The following NRG1 variants were observed in gnomAD, a reference collection of about 807,000 sequenced individuals.
NRG1 encodes pro-neuregulin-1, membrane-bound isoform.
NRG1 carries 18 observed loss-of-function variants against 63.8 expected under a neutral mutation model. The observed-to-expected ratio is 0.28, with a 90% confidence interval of 0.19 to 0.42. NRG1 has a LOEUF of 0.42. Ranked by LOEUF, NRG1 falls within the 10% of genes least tolerant of loss-of-function variation. The probability of loss-of-function intolerance (pLI) is 1.00; values close to 1 mark genes in which losing one functional copy is unlikely to be tolerated. For missense variants in NRG1, 762 were observed against 814.7 expected, an observed-to-expected ratio of 0.94 and a Z score of 0.79; for synonymous variants, 302 against 301.3, an observed-to-expected ratio of 1.00 and a Z score of -0.02.
intron 7 of NRG1, among the ~76,000 whole-genome samples, chr8:32,748,372 G>GAGAGAGAGAGAGAGAGAA (rs1827972985): frequency 6.6e-6 from 1 of 151,100 alleles, no homozygotes; most frequent in African/African-American, 2.4e-5. Flanking sequence ...GAGAGAGAGA[G>GAGAGAGAGAGAGAGAGAA]AGAGAGAGAG....
intron 1 of NRG1, among the ~76,000 whole-genome samples, chr8:32,103,547 C>T (rs1830848796): frequency 6.6e-6 from 1 of 152,126 alleles, no homozygotes; most frequent in Admixed American, 6.5e-5. Flanking sequence ...TGGGAATATA[C>T]CCAGCAGTGG....
rs549327853 is a variant in NRG1 at position 32,132,367 on chromosome 8, C to A, written c.38-463461C>A. Among the ~76,000 whole-genome samples the A allele has an allele frequency of 6.5e-4, 99 of 151,816 alleles. 2 individuals are homozygous for A. The South Asian group carries it at 0.014, about 22-fold the overall frequency. On this transcript the variant is annotated intron_variant, in intron 1 of 10. Transcript: ENST00000519301. Reference sequence around the variant, plus strand: ...CCTTTTCTTAAGGATAAGCTCTTTGCTCTACACCATACTAATTTCCAAAAA... The same window carrying A: ...CCTTTTCTTAAGGATAAGCTCTTTGATCTACACCATACTAATTTCCAAAAA...
intron 1 of NRG1, among the ~76,000 whole-genome samples, chr8:31,711,535 T>C (rs1238666722): frequency 2.0e-5 from 3 of 152,214 alleles, no homozygotes; most frequent in Non-Finnish European, 4.4e-5. Context: ...TACACTGGGT[T>C]AGTTTTTCCT....
At chr8:32,108,983 A>G (rs12680514) in intron 1 of NRG1, among the ~76,000 whole-genome samples, 12,657 of 152,256 alleles carry the variant, frequency 0.083, 747 homozygotes, top group East Asian at 0.23. Flanking sequence ...AGCAAAAGAC[A>G]ATAACGTCTG....
intron 1 of NRG1, among the ~76,000 whole-genome samples, chr8:31,913,714 C>A (rs1833138283): frequency 6.6e-6 from 1 of 152,168 alleles, no homozygotes; most frequent in South Asian, 2.1e-4. Flanking sequence ...CTTAATCCCC[C>A]ACTTCCATTA....
At chr8:31,735,063 G>A (rs1466525311) in intron 1 of NRG1, among the ~76,000 whole-genome samples, 4 of 152,028 alleles carry the variant, frequency 2.6e-5, no homozygotes, top group African/African-American at 4.8e-5. Flanking sequence ...AAAAAAATGC[G>A]CTCAGCCAAT....
chr8:31,699,086 C>G (rs1810366823), intron 1 of NRG1, among the ~76,000 whole-genome samples: 4 of 152,160 alleles, frequency 2.6e-5, no homozygotes, highest in African/African-American at 9.7e-5. Context: ...TTTAATATCA[C>G]TGGGAGAGTT....
intron 1 of NRG1, among the ~76,000 whole-genome samples, chr8:32,159,666 G>T (rs1340687958): frequency 6.6e-6 from 1 of 151,920 alleles, no homozygotes; most frequent in African/African-American, 2.4e-5. Context: ...TAGAATATTT[G>T]TGGTAATTAT....
intron 1 of NRG1, among the ~76,000 whole-genome samples, chr8:32,006,707 C>A (rs906529233): frequency 6.6e-6 from 1 of 151,972 alleles, no homozygotes; most frequent in Admixed American, 6.6e-5. Flanking sequence ...GAACCTGGAG[C>A]TCAGACCTAG....
rs919283991 is a variant in NRG1 at position 32,449,085 on chromosome 8, A to G, written c.38-146743A>G. Reference sequence around the variant, plus strand: ...TGAGGTGGGAAAATTGCTTGAGCCCAGGAGTTTGAGACCAGTCTGGGCAAC... The same window carrying G: ...TGAGGTGGGAAAATTGCTTGAGCCCGGGAGTTTGAGACCAGTCTGGGCAAC... On this transcript the variant is annotated intron_variant, in intron 1 of 10. Coordinates refer to the NRG1 transcript ENST00000519301. 5.3e-5 allele frequency among the ~76,000 whole-genome samples: 8 copies of G among 152,168 alleles called. No homozygotes were observed. In the East Asian group the frequency reaches 1.4e-3, roughly 26 times the overall value.
At chr8:32,378,930 C>G (rs186574655) in intron 1 of NRG1, among the ~76,000 whole-genome samples, 211 of 152,198 alleles carry the variant, frequency 1.4e-3, no homozygotes, top group African/African-American at 4.9e-3. Flanking sequence ...TCATCCATGT[C>G]CCTACAAAGG....
intron 1 of NRG1, among the ~76,000 whole-genome samples, chr8:32,029,853 A>AAAAGCC (rs1333971756): frequency 6.6e-6 from 1 of 152,182 alleles, no homozygotes; most frequent in Non-Finnish European, 1.5e-5. Context: ...TTTGTAAAAA[A>AAAAGCC]AAAAGCCACA....
intron 1 of NRG1, among the ~76,000 whole-genome samples, chr8:32,479,130 T>C (rs1345557570): frequency 6.6e-6 from 1 of 151,892 alleles, no homozygotes; most frequent in Non-Finnish European, 1.5e-5. Flanking sequence ...CCTGGCGGAG[T>C]GCCAAAGAAT....
chr8:31,780,803 G>A (rs568448934), intron 1 of NRG1, among the ~76,000 whole-genome samples: 2 of 152,256 alleles, frequency 1.3e-5, no homozygotes, highest in South Asian at 4.1e-4. Context: ...GGGAGATGAG[G>A]AACCTTGGTT....
intron 1 of NRG1, among the ~76,000 whole-genome samples, chr8:31,659,420 T>C (rs1241157476): frequency 1.3e-5 from 2 of 152,082 alleles, no homozygotes; most frequent in Non-Finnish European, 2.9e-5. Flanking sequence ...CTGGGAACCA[T>C]GCAACCATGC....
intron 1 of NRG1, among the ~76,000 whole-genome samples, chr8:32,052,843 T>C (rs1438233698): frequency 6.6e-6 from 1 of 152,158 alleles, no homozygotes; most frequent in Non-Finnish European, 1.5e-5. Flanking sequence ...TTATAGACAG[T>C]CTGAAACTGA....
In NRG1 at chr8:32,556,820, T is replaced by A. The variant is rs373829361; in HGVS notation, c.100+7994T>A. Among the ~76,000 whole-genome samples, 13 of 152,350 alleles carry A rather than the reference T, an allele frequency of 8.5e-5. No homozygotes were observed. In the South Asian group the frequency reaches 2.3e-3, roughly 27 times the overall value. ...CCCAATTTTAGAGACTTACATTGCA[T>A]TTTTAAAGGATAGCACAGTCTCTTT... On this transcript the variant is annotated intron_variant, in intron 1 of 11. Coordinates refer to ENST00000356819, the Ensembl canonical transcript of NRG1.
chr8:32,283,900 C>T (rs982796381), intron 1 of NRG1, among the ~76,000 whole-genome samples: 1 of 152,150 alleles, frequency 6.6e-6, no homozygotes, highest in Non-Finnish European at 1.5e-5. Context: ...AATTCCATCA[C>T]AGAATATCTG....
intron 1 of NRG1, among the ~76,000 whole-genome samples, chr8:31,701,659 G>A (rs2131192507): frequency 6.6e-6 from 1 of 152,198 alleles, no homozygotes; most frequent in Non-Finnish European, 1.5e-5. Context: ...AAATAGATTT[G>A]CTTCTCAACA....
Sources: allele counts gnomAD v4.1 joint callset (sites outside exome capture counted in the v4.1 genomes callset), GRCh38; gene constraint gnomAD v4.1.1; transcripts MANE v1.5; gene names NCBI Gene and HGNC (gene_info 2026-07-23, HGNC 2026-07-21).